Variants in ADK observed in about 807,000 individuals in gnomAD.
ADK encodes adenosine kinase.
ADK carries 24 observed loss-of-function variants against 44.7 expected under a neutral mutation model. The observed-to-expected ratio is 0.54, with a 90% CI of 0.39 to 0.76. The LOEUF (loss-of-function observed/expected upper bound fraction) is 0.76. Ranked by LOEUF, ADK falls within the 30% of genes least tolerant of loss-of-function variation. ADK has a pLI of 0.00. For missense variants in ADK, 321 were observed against 425.1 expected (o/e 0.76, Z 2.15); for synonymous variants, 128 against 142.6 (o/e 0.90, Z 0.73).
intron 6 of ADK, among the ~76,000 whole-genome samples, chr10:74,412,327 G>T (rs568511762): frequency 6.6e-6 from 1 of 152,138 alleles, no homozygotes; most frequent in South Asian, 2.1e-4. Flanking sequence ...TTTTTGTAGA[G>T]ACGAGGTCTC....
chr10:74,412,894 CTAA>C (rs1264290765), intron 6 of ADK, among the ~76,000 whole-genome samples: 1 of 152,084 alleles, frequency 6.6e-6, no homozygotes, highest in Non-Finnish European at 1.5e-5. Context: ...CACATCTCTA[CTAA>C]TAATACAAAA....
At chr10:74,465,288 A>G (rs1846312176) in intron 6 of ADK, among the ~76,000 whole-genome samples, 1 of 152,226 alleles carries the variant, frequency 6.6e-6, no homozygotes, top group Admixed American at 6.5e-5. Context: ...TTTAAGGAAT[A>G]GCCAGGAGAT....
At chr10:74,504,683 T>A (rs1847987942) in intron 6 of ADK, among the ~76,000 whole-genome samples, 1 of 152,150 alleles carries the variant, frequency 6.6e-6, no homozygotes, top group African/African-American at 2.4e-5. Flanking sequence ...GGGAGGGACC[T>A]GTTAGGAGGT....
chr10:74,683,714 T>C (rs1015212134), intron 10 of ADK, among the ~76,000 whole-genome samples: 2 of 152,188 alleles, frequency 1.3e-5, no homozygotes, highest in African/African-American at 4.8e-5. Context: ...GCACAAAAAG[T>C]GGAAATGCAT....
chr10:74,153,633 C>T (rs191044923), intron 1 of ADK, among the ~76,000 whole-genome samples: 117 of 152,278 alleles, frequency 7.7e-4, no homozygotes, highest in African/African-American at 2.6e-3. Context: ...TCTCTTTTAA[C>T]CCTCCCAGTG....
At chr10:74,512,987 T>A (rs1180078675) in intron 6 of ADK, among the ~76,000 whole-genome samples, 3 of 152,130 alleles carry the variant, frequency 2.0e-5, no homozygotes. Context: ...AAAGAATTTT[T>A]AAATTTTATT....
Position 74,525,431 on chromosome 10 carries a change from G to T in ADK, c.726+5G>T. The T allele has an allele frequency of 3.7e-6, 6 of 1,609,140 alleles. No homozygotes were observed. Among genetic ancestry groups the T allele is most frequent in the Non-Finnish European group, 5.1e-6 (6 of 1,177,796 alleles). ...ATACTTTTTGGAAATGAGACAGTGA[G>T]TTACCTTTCCTTTTTCAAAAGAACC... On this transcript the variant is annotated splice_donor_5th_base_variant and intron_variant, in intron 7 of 10. Coordinates refer to ENST00000539909, the MANE Select transcript of ADK (RefSeq NM_006721.4).
chr10:74,569,368 G>A (rs1396352045), intron 7 of ADK, among the ~76,000 whole-genome samples: 1 of 152,158 alleles, frequency 6.6e-6, no homozygotes, highest in African/African-American at 2.4e-5. Flanking sequence ...TTCCACAATG[G>A]TTGAACTAGT....
chr10:74,686,292 C>T (rs1855786141), intron 10 of ADK, among the ~76,000 whole-genome samples: 1 of 152,110 alleles, frequency 6.6e-6, no homozygotes, highest in African/African-American at 2.4e-5. Context: ...CCTGGTACCA[C>T]ATTAACTAGT....
chr10:74,310,342 C>T (rs1390969516), intron 3 of ADK, among the ~76,000 whole-genome samples: 1 of 152,108 alleles, frequency 6.6e-6, no homozygotes, highest in Non-Finnish European at 1.5e-5. Flanking sequence ...ACAATCAGTT[C>T]CCTAAAGATA....
intron 6 of ADK, among the ~76,000 whole-genome samples, chr10:74,471,669 TTC>T (rs1439055907): frequency 1.3e-5 from 2 of 152,194 alleles, no homozygotes; most frequent in African/African-American, 4.8e-5. Flanking sequence ...TATTGGTGTC[TTC>T]TTTAATTTCT....
intron 4 of ADK, among the ~76,000 whole-genome samples, chr10:74,348,407 C>A (rs1296819026): frequency 6.6e-6 from 1 of 151,996 alleles, no homozygotes; most frequent in Non-Finnish European, 1.5e-5. Context: ...AAAAAGGACC[C>A]CCACACAAAA....
rs1856688067 is a variant in ADK at position 74,708,591 on chromosome 10, T to C, written c.*146T>C. 4 of 848,260 alleles carry C rather than the reference T, an allele frequency of 4.7e-6. No individual in the cohort carries two copies. Among genetic ancestry groups the C allele is most frequent in the South Asian group, 1.6e-5 (1 of 61,958 alleles). 52.5% of individuals were successfully genotyped at this position (848,260 alleles called of 1,614,324 possible). ...TCTTAATTTAGAGGGTACAAGGGTA[T>C]GGTAATGCTTGTAGAATCTTTATTA... On this transcript the variant is annotated 3_prime_UTR_variant, in exon 11 of 11. Transcript: ENST00000539909.
chr10:74,187,832 A>T (rs1842813035), intron 1 of ADK, among the ~76,000 whole-genome samples: 1 of 152,190 alleles, frequency 6.6e-6, no homozygotes, highest in South Asian at 2.1e-4. Context: ...TTAATTGATT[A>T]GATAGCTGTG....
At chr10:74,601,312 C>T (rs1433069411) in intron 9 of ADK, among the ~76,000 whole-genome samples, 1 of 151,950 alleles carries the variant, frequency 6.6e-6, no homozygotes, top group Non-Finnish European at 1.5e-5. Flanking sequence ...ATATGAAGTA[C>T]ATTTGTGTTG....
intron 6 of ADK, among the ~76,000 whole-genome samples, chr10:74,400,504 A>G (rs1446054750): frequency 2.0e-5 from 3 of 152,186 alleles, no homozygotes; most frequent in Non-Finnish European, 4.4e-5. Flanking sequence ...TATTTCCACA[A>G]AGACACTGCA....
At chr10:74,204,698 C>T (rs574259311) in intron 2 of ADK, among the ~76,000 whole-genome samples, 125 of 152,122 alleles carry the variant, frequency 8.2e-4, no homozygotes, top group African/African-American at 2.9e-3. Flanking sequence ...TTTTGGTTAC[C>T]TTGTACTTTT....
intron 6 of ADK, among the ~76,000 whole-genome samples, chr10:74,414,825 G>T (rs972976172): frequency 1.4e-4 from 21 of 151,654 alleles, no homozygotes; most frequent in Admixed American, 4.6e-4. Context: ...AGTTTTTTTT[G>T]AGTAACACTG....
chr10:74,337,678 A>G (rs1245322092), intron 4 of ADK, among the ~76,000 whole-genome samples: 2 of 151,828 alleles, frequency 1.3e-5, no homozygotes, highest in African/African-American at 4.8e-5. Flanking sequence ...CTTTTTGTAT[A>G]TTAATCTGTG....
Sources: allele counts gnomAD v4.1 joint callset (sites outside exome capture counted in the v4.1 genomes callset), GRCh38; gene constraint gnomAD v4.1.1; transcripts MANE v1.5; gene names NCBI Gene and HGNC (gene_info 2026-07-23, HGNC 2026-07-21).